Variants in CLVS2 observed in about 807,000 individuals in gnomAD.
CLVS2 encodes clavesin 2, also known as clavesin-2.
In CLVS2, 19 loss-of-function variants were observed where a neutral mutation model predicts 29.0. That is an observed-to-expected ratio of 0.66 (90% CI 0.46 to 0.96). CLVS2 has a LOEUF of 0.96. Ranked by LOEUF, CLVS2 falls within the 40% of genes least tolerant of loss-of-function variation. CLVS2 has a pLI of 0.00. For missense variants in CLVS2, 294 were observed against 404.1 expected, an observed-to-expected ratio of 0.73 and a Z score of 2.34; for synonymous variants, 161 against 151.3, an observed-to-expected ratio of 1.06 and a Z score of -0.47.
At chr6:123,041,425 C>T (rs1204367234) in intron 3 of CLVS2, among the ~76,000 whole-genome samples, 1 of 152,000 alleles carries the variant, frequency 6.6e-6, no homozygotes, top group African/African-American at 2.4e-5. Context: ...GTAGTGTGCA[C>T]CGAGAAGATA....
chr6:123,040,745 G>C lies in CLVS2; in HGVS notation c.565-7877G>C, dbSNP rs1169103725. 2.2e-5 allele frequency among the ~76,000 whole-genome samples: 3 copies of C among 138,512 alleles called. No homozygotes were observed. The East Asian group carries it at 7.2e-4, about 33-fold the overall frequency. 90.9% of individuals were successfully genotyped at this position (138,512 alleles called of 152,430 possible). ...ATCGCGCCATTGCACTCCAGCCTGG[G>C]TAGCAAAGTGAGACTCCGTCTCAAA... On this transcript the variant is annotated intron_variant, in intron 3 of 5. Coordinates refer to ENST00000275162, the MANE Select transcript of CLVS2 (RefSeq NM_001010852.4).
intron 2 of CLVS2, among the ~76,000 whole-genome samples, chr6:123,004,475 A>C (rs1343151630): frequency 6.6e-6 from 1 of 152,222 alleles, no homozygotes; most frequent in African/African-American, 2.4e-5. Flanking sequence ...GGGATTGTAG[A>C]TTTAGCCATT....
intron 3 of CLVS2, among the ~76,000 whole-genome samples, chr6:123,026,352 T>C (rs961699601): frequency 1.3e-5 from 2 of 152,184 alleles, no homozygotes; most frequent in Non-Finnish European, 2.9e-5. Context: ...AAAATCTTTA[T>C]TTCAAAGAGA....
rs191689623 is a variant in CLVS2, at chr6:122,999,773, G to A, written c.389+1607G>A. ...GAAATTTTATATTTATATAAATCTCGAAGTCTGTTAGAGATACCATTATGG... is the reference window on the plus strand; with the variant it reads ...GAAATTTTATATTTATATAAATCTCAAAGTCTGTTAGAGATACCATTATGG... On this transcript the variant is annotated intron_variant, in intron 2 of 5. Coordinates refer to ENST00000275162, the MANE Select transcript of CLVS2 (RefSeq NM_001010852.4). Among the ~76,000 whole-genome samples, 629 of 152,128 alleles carry A rather than the reference G, an allele frequency of 4.1e-3. 5 individuals carry two copies. The highest frequency in any genetic ancestry group is 6.9e-3 in the Non-Finnish European group (470 of 67,986).
intron 4 of CLVS2, among the ~76,000 whole-genome samples, chr6:123,053,659 G>A (rs1040237866): frequency 2.6e-5 from 4 of 152,088 alleles, no homozygotes; most frequent in East Asian, 1.9e-4. Context: ...TTCCTTGGGT[G>A]AATTTTGCTA....
rs1554203165 is a variant in CLVS2, at chr6:123,049,804, T to TTG, written c.675+1072_675+1073insTG. On this transcript the variant is annotated intron_variant, in intron 4 of 5. Transcript: ENST00000275162. The stretch of plus-strand genomic sequence containing the variant: ...TCACACACCGGGGCCTGTTGTGGGA[T>TTG]GGGGGGCGGGGAGGAATAGCATTAG... Among the ~76,000 whole-genome samples, 9 of 118,994 alleles carry TTG rather than the reference T, an allele frequency of 7.6e-5. No homozygotes were observed. In the South Asian group the frequency reaches 1.1e-3, roughly 15 times the overall value. 78.1% of individuals were successfully genotyped at this position (118,994 alleles called of 152,430 possible).
rs1177311754 is a variant in CLVS2, at chr6:122,996,644, A to G, written c.-662A>G. On this transcript the variant is annotated 5_prime_UTR_variant, in exon 1 of 6. Transcript: ENST00000275162. ...TCTCTGCTCCTTCCATCCCGCCCAG[A>G]GGAGTTGATGCCGCTGTCGCCGCCG... 1 of 158,652 alleles carries G rather than the reference A, an allele frequency of 6.3e-6. No individual in the cohort carries two copies. Among genetic ancestry groups the G allele is most frequent in the Non-Finnish European group, 1.4e-5 (1 of 68,996 alleles). The allele number at this position is 158,652 out of a possible 1,614,324, so 9.8% of individuals were successfully genotyped here. A position where few individuals can be genotyped will look rare whatever the true frequency, so the allele number is the denominator to read the frequency against.
chr6:123,035,215 T>C (rs1775135242), intron 3 of CLVS2, among the ~76,000 whole-genome samples: 1 of 152,106 alleles, frequency 6.6e-6, no homozygotes, highest in Non-Finnish European at 1.5e-5. Flanking sequence ...TCTACCTATT[T>C]GTTAACTTTT....
intron 3 of CLVS2, among the ~76,000 whole-genome samples, chr6:123,036,562 A>G (rs149934979): frequency 1.3e-5 from 2 of 152,248 alleles, no homozygotes; most frequent in Non-Finnish European, 2.9e-5. Context: ...TTGTTGTGTT[A>G]AATAAAACTA....
chr6:123,026,817 T>G, intron 3 of CLVS2, among the ~76,000 whole-genome samples: 1 of 152,184 alleles, frequency 6.6e-6, no homozygotes, highest in Middle Eastern at 3.4e-3. Flanking sequence ...TATGAAAATC[T>G]AGAATAAGAT....
At chr6:123,056,064 G>A in intron 5 of CLVS2, 38 bp downstream of exon 5, 1 of 1,342,406 alleles carries the variant, frequency 7.4e-7, no homozygotes, top group Non-Finnish European at 1.1e-6. Flanking sequence ...GCTGGGCCAG[G>A]GCAGGGAGAG....
Position 123,048,708 on chromosome 6 carries a change from C to T in CLVS2, c.651C>T (p.Phe217=). Residue 217 remains phenylalanine, a synonymous_variant, in exon 4 of 6, where the codon TTC becomes TTT. Coordinates refer to ENST00000275162, the MANE Select transcript of CLVS2 (RefSeq NM_001010852.4). ...IHALYTVIRP[F]LKEKTRKRIF... is the part of the protein sequence containing the mutation. ...CCCTGTACACCGTGATCCGGCCTTT[C>T]CTGAAGGAGAAAACTCGGAAAAGGG... 2 of 1,612,358 alleles carry T rather than the reference C, an allele frequency of 1.2e-6. No individual in the cohort carries two copies. Among genetic ancestry groups the T allele is most frequent in the Non-Finnish European group, 1.7e-6 (2 of 1,178,606 alleles).
At chr6:123,033,744 C>T (rs1775113488) in intron 3 of CLVS2, among the ~76,000 whole-genome samples, 1 of 151,960 alleles carries the variant, frequency 6.6e-6, no homozygotes, top group Admixed American at 6.6e-5. Context: ...AAAATTTGCT[C>T]TGTGAAACAT....
At chr6:123,036,788 A>G (rs1282007260) in intron 3 of CLVS2, among the ~76,000 whole-genome samples, 3 of 152,070 alleles carry the variant, frequency 2.0e-5, no homozygotes, top group African/African-American at 4.8e-5. Flanking sequence ...GATCCTCTCA[A>G]GCTATCTTTA....
At chr6:123,016,165 A>C (rs1774830338) in intron 3 of CLVS2, among the ~76,000 whole-genome samples, 1 of 151,722 alleles carries the variant, frequency 6.6e-6, no homozygotes, top group Admixed American at 6.6e-5. Flanking sequence ...ACAAGAGTTA[A>C]CTGATTAGGG....
rs12524306 is a variant in CLVS2 at position 122,996,283 on chromosome 6, G to A, written c.-1023G>A. 0.21 allele frequency: 32,717 copies of A among 154,964 alleles called. 3,613 individuals carry two copies. Among genetic ancestry groups the A allele is most frequent in the East Asian group, 0.36 (1,859 of 5,136 alleles). The allele number at this position is 154,964 out of a possible 1,614,324, so 9.6% of individuals were successfully genotyped here. On this transcript the variant is annotated 5_prime_UTR_variant, in exon 1 of 6. Transcript: ENST00000275162. Reference sequence around the variant, plus strand: ...GGAGCCGCCGCCGCAGCCCGGTGGGGCAACCCTGACTCGGACCGCTCGGGA... The same window carrying A: ...GGAGCCGCCGCCGCAGCCCGGTGGGACAACCCTGACTCGGACCGCTCGGGA...
At chr6:123,014,729 A>C (rs376065895) in intron 3 of CLVS2, among the ~76,000 whole-genome samples, 1 of 152,116 alleles carries the variant, frequency 6.6e-6, no homozygotes, top group Non-Finnish European at 1.5e-5. Flanking sequence ...CAGTGACTAC[A>C]TAAACTGTGA....
intron 3 of CLVS2, among the ~76,000 whole-genome samples, chr6:123,030,270 G>A (rs2114332610): frequency 6.6e-6 from 1 of 152,076 alleles, no homozygotes; most frequent in East Asian, 1.9e-4. Context: ...CTGTTCCTGT[G>A]GAGCTATTAT....
At chr6:123,057,381 C>CAT (rs1772709225) in intron 5 of CLVS2, among the ~76,000 whole-genome samples, 2 of 128,166 alleles carry the variant, frequency 1.6e-5, no homozygotes, top group Non-Finnish European at 3.2e-5. Context: ...GAGTCTAGCT[C>CAT]TGTCTCCCAG....
Sources: gnomAD v4.1 joint callset for allele counts (sites outside exome capture counted in the v4.1 genomes callset) on GRCh38, gnomAD v4.1.1 for gene constraint, MANE v1.5 for transcripts, NCBI Gene and HGNC (gene_info 2026-07-23, HGNC 2026-07-21) for gene names.